The following DPP6 variants were observed in gnomAD, a reference collection of about 807,000 sequenced individuals.
DPP6 encodes the protein dipeptidyl peptidase like 6, also known as A-type potassium channel modulatory protein DPP6.
DPP6 carries 69 observed loss-of-function variants against 122.6 expected under a neutral mutation model. That is an observed-to-expected ratio of 0.56 (90% CI 0.46 to 0.69). The LOEUF (loss-of-function observed/expected upper bound fraction) is 0.69. Among genes scored for constraint, DPP6 ranks in the 30% least tolerant of loss-of-function variants. The probability of loss-of-function intolerance (pLI) is 0.00; values close to 1 mark genes in which losing one functional copy is unlikely to be tolerated. For missense variants in DPP6, 928 were observed against 1,116.9 expected, an observed-to-expected ratio of 0.83 and a Z score of 2.41; for synonymous variants, 418 against 433.1, an observed-to-expected ratio of 0.97 and a Z score of 0.43.
At chr7:154,830,943 A>G (rs1048256764) in intron 16 of DPP6, among the ~76,000 whole-genome samples, 3 of 152,250 alleles carry the variant, frequency 2.0e-5, no homozygotes, top group South Asian at 2.1e-4. Context: ...GGACAGCCAC[A>G]GAACCGATTC....
intron 19 of DPP6, 35 bp downstream of exon 19, chr7:154,872,728 C>T (rs369283319): frequency 3.4e-5 from 53 of 1,572,070 alleles, no homozygotes; most frequent in East Asian, 4.7e-5. Context: ...CCCTGGTGCT[C>T]GTTCTGGGGC....
intron 5 of DPP6, chr7:154,588,773 C>A (rs562523492): frequency 6.6e-6 from 1 of 152,136 alleles, no homozygotes; most frequent in Non-Finnish European, 1.5e-5. Context: ...TCTTATTGTC[C>A]TGTGAATTCT....
intron 1 of DPP6, among the ~76,000 whole-genome samples, chr7:153,907,279 T>C (rs1799890454): frequency 6.6e-6 from 1 of 152,156 alleles, no homozygotes; most frequent in Non-Finnish European, 1.5e-5. Context: ...TTTTCCTGTG[T>C]TTGTTGGCCA....
At chr7:154,890,785 C>G (rs1357124833) in intron 25 of DPP6, 1 of 152,204 alleles carries the variant, frequency 6.6e-6, no homozygotes, top group East Asian at 1.9e-4. Flanking sequence ...GAGAAAGCTT[C>G]CTGCCCATAT....
intron 1 of DPP6, among the ~76,000 whole-genome samples, chr7:154,402,761 A>T (rs545067542): frequency 4.8e-4 from 72 of 150,586 alleles, no homozygotes; most frequent in African/African-American, 1.3e-3. Context: ...TAATAAATTT[A>T]AAAAAAAGAA....
chr7:153,790,180 T>G, the DPP6 span, among the ~76,000 whole-genome samples: 1 of 152,088 alleles, frequency 6.6e-6, no homozygotes, highest in South Asian at 2.1e-4. Flanking sequence ...CCGGGTGTGC[T>G]TTCAGTTCTC....
chr7:153,893,794 A>G (rs1332020092), intron 1 of DPP6, among the ~76,000 whole-genome samples: 2 of 152,238 alleles, frequency 1.3e-5, no homozygotes, highest in Non-Finnish European at 2.9e-5. Context: ...AGTATGTCTG[A>G]AGAACAAAGA....
In DPP6 at chr7:154,481,903, TG is replaced by T. The variant is rs1207493752; in HGVS notation, c.457+6869del. 1.3e-5 allele frequency among the ~76,000 whole-genome samples: 2 copies of T among 152,196 alleles called. No homozygotes were observed. Among genetic ancestry groups the T allele is most frequent in the African/African-American group, 2.4e-5 (1 of 41,456 alleles). Reference sequence around the variant, plus strand: ...TTTATGAATGTAAACTCCACAAGGATGGGACTCGCATCTCTGTTTACTGTGG... The same window carrying T: ...TTTATGAATGTAAACTCCACAAGGATGGACTCGCATCTCTGTTTACTGTGG... On this transcript the variant is annotated intron_variant, in intron 3 of 25. Transcript: ENST00000377770. This position sits in a 1 kb window ranked among gnomAD's most constrained non-coding sequence, Gnocchi z 4.2.
At chr7:154,250,250 C>G (rs1005348103) in intron 1 of DPP6, among the ~76,000 whole-genome samples, 3 of 152,126 alleles carry the variant, frequency 2.0e-5, no homozygotes, top group African/African-American at 4.8e-5. Flanking sequence ...AAAGCCCTTC[C>G]TTCTTCAACT....
At chr7:154,774,642 G>A (rs539388890) in intron 10 of DPP6, among the ~76,000 whole-genome samples, 10 of 152,338 alleles carry the variant, frequency 6.6e-5, no homozygotes, top group African/African-American at 2.4e-4. Flanking sequence ...GCATGTAAAT[G>A]TCACACTTTC....
intron 1 of DPP6, among the ~76,000 whole-genome samples, chr7:154,286,804 CTT>C (rs113416741): frequency 6.7e-5 from 9 of 133,892 alleles, no homozygotes; most frequent in Admixed American, 1.6e-4. Context: ...ATGATTTCTT[CTT>C]TTTTTTTTTT....
At chr7:154,104,813 C>G (rs1388450371) in intron 1 of DPP6, among the ~76,000 whole-genome samples, 1 of 152,018 alleles carries the variant, frequency 6.6e-6, no homozygotes, top group Non-Finnish European at 1.5e-5. Context: ...GCTTACGTAA[C>G]AAACACTCAG....
chr7:154,549,069 G>C (rs1829435445), intron 4 of DPP6, among the ~76,000 whole-genome samples: 1 of 152,198 alleles, frequency 6.6e-6, no homozygotes, highest in Non-Finnish European at 1.5e-5. Context: ...GAGGTCTTCA[G>C]GAAGCTTCCA....
At chr7:154,463,507 T>G (rs531379267) in intron 2 of DPP6, among the ~76,000 whole-genome samples, 1 of 152,170 alleles carries the variant, frequency 6.6e-6, no homozygotes, top group African/African-American at 2.4e-5. Context: ...GCGCCCAGCC[T>G]ACTTCTCCTT....
intron 10 of DPP6, among the ~76,000 whole-genome samples, chr7:154,783,057 A>G (rs1277326237): frequency 1.3e-5 from 2 of 152,112 alleles, no homozygotes; most frequent in Non-Finnish European, 2.9e-5. Flanking sequence ...GTGCTGGGAC[A>G]TGCGGTTCCT....
Position 153,951,483 on chromosome 7 carries a change from G to A in DPP6, c.51+63749G>A, listed in dbSNP as rs550704589. On this transcript the variant is annotated intron_variant, in intron 1 of 25. Coordinates refer to the DPP6 transcript ENST00000404039. ...CTCCACTCTTTTCCACTCTGTCACC[G>A]AATGTGTCACCCTCCTCAAATGGAG... Among the ~76,000 whole-genome samples, 332 of 152,214 alleles carry A rather than the reference G, an allele frequency of 2.2e-3. 2 individuals are homozygous for A. In the Middle Eastern group the frequency reaches 0.034, roughly 16 times the overall value.
At chr7:154,283,407 G>C (rs569790190) in intron 1 of DPP6, among the ~76,000 whole-genome samples, 59 of 152,088 alleles carry the variant, frequency 3.9e-4, no homozygotes, top group African/African-American at 1.4e-3. Context: ...GTAACTATTA[G>C]AATGCCTAGA....
intron 1 of DPP6, among the ~76,000 whole-genome samples, chr7:153,950,838 C>T (rs1316270513): frequency 6.6e-6 from 1 of 152,198 alleles, no homozygotes; most frequent in Non-Finnish European, 1.5e-5. Context: ...AGAGTTGGCT[C>T]TCTAGGTCTG....
chr7:154,401,219 A>G (rs1000757578), intron 1 of DPP6, among the ~76,000 whole-genome samples: 1 of 150,964 alleles, frequency 6.6e-6, no homozygotes, highest in Non-Finnish European at 1.5e-5. Context: ...AACAAAAACA[A>G]AAAAAAAACA....
Sources: gnomAD v4.1 joint callset for allele counts (sites outside exome capture counted in the v4.1 genomes callset) on GRCh38, gnomAD v4.1.1 for gene constraint, Gnocchi (gnomAD v3.1) non-coding constraint, MANE v1.5 for transcripts, NCBI Gene and HGNC (gene_info 2026-07-23, HGNC 2026-07-21) for gene names.